The following SH2D4A variants were observed in gnomAD, a reference collection of about 807,000 sequenced individuals.
SH2D4A encodes SH2 domain containing 4A.
Under a neutral mutation model 64.7 loss-of-function variants are expected in SH2D4A, and 70 were observed. The ratio of observed to expected loss-of-function variants is 1.08; its 90% CI spans 0.89 to 1.32. SH2D4A has a LOEUF of 1.32. SH2D4A is among the 40% of genes most tolerant of loss of function. SH2D4A has a pLI of 0.00. For synonymous variants in SH2D4A, 268 were observed against 200.7 expected, an observed-to-expected ratio of 1.34 and a Z score of -2.83; for missense variants, 706 against 540.1, an observed-to-expected ratio of 1.31 and a Z score of -3.04.
chr8:19,365,058 A>G (rs1028233138), intron 7 of SH2D4A, among the ~76,000 whole-genome samples: 2 of 152,236 alleles, frequency 1.3e-5, no homozygotes, highest in African/African-American at 4.8e-5. Context: ...TGAAAGAAAC[A>G]GAATTGTCTA....
chr8:19,364,353 G>A, intron 7 of SH2D4A, 71 bp downstream of exon 7: 1 of 1,550,460 alleles, frequency 6.4e-7, no homozygotes. Flanking sequence ...GAAATTAAAG[G>A]GGAATTGTAT....
chr8:19,361,155 TTTTTG>T (rs140756695), intron 5 of SH2D4A, 43 bp from the exon 6 acceptor site: 11 of 1,152,134 alleles, frequency 9.5e-6, no homozygotes, highest in African/African-American at 3.2e-5. Context: ...CAAGGTTCTT[TTTTTG>T]TTTTGTTTTG....
intron 8 of SH2D4A, among the ~76,000 whole-genome samples, chr8:19,381,544 T>G (rs984391747): frequency 2.0e-5 from 3 of 152,340 alleles, no homozygotes; most frequent in African/African-American, 7.2e-5. Context: ...TTTATTAGTT[T>G]TAACAGTTTT....
chr8:19,350,648 C>T (rs1315990688), intron 4 of SH2D4A, among the ~76,000 whole-genome samples: 1 of 151,956 alleles, frequency 6.6e-6, no homozygotes, highest in Non-Finnish European at 1.5e-5. Flanking sequence ...CACGCCCAGC[C>T]CACTTTTGTA....
chr8:19,357,054 C>T (rs1019623962), intron 4 of SH2D4A, 149 bp from the exon 5 acceptor site: 5 of 637,794 alleles, frequency 7.8e-6, no homozygotes, highest in African/African-American at 7.3e-5. Context: ...AGGATCGGCC[C>T]AGGAACTCAG....
chr8:19,350,203 T>C (rs1329823012), intron 4 of SH2D4A, among the ~76,000 whole-genome samples: 2 of 152,206 alleles, frequency 1.3e-5, no homozygotes, highest in Admixed American at 1.3e-4. Context: ...ATGGATCCTA[T>C]TTCAGGCGTC....
At chr8:19,388,294 T>C (rs2053424585) in intron 8 of SH2D4A, among the ~76,000 whole-genome samples, 1 of 152,192 alleles carries the variant, frequency 6.6e-6, no homozygotes, top group Admixed American at 6.5e-5. Context: ...ATCTATAAAA[T>C]ACAGATGACG....
At chr8:19,389,767 A>G in intron 8 of SH2D4A, among the ~76,000 whole-genome samples, 2 of 152,174 alleles carry the variant, frequency 1.3e-5, no homozygotes, top group Non-Finnish European at 2.9e-5. Context: ...TTGGCCAGGC[A>G]TGGTGGCACG....
intron 4 of SH2D4A, among the ~76,000 whole-genome samples, chr8:19,342,475 G>C (rs929727385): frequency 6.6e-6 from 1 of 152,236 alleles, no homozygotes; most frequent in East Asian, 1.9e-4. Context: ...GAAACGGGCA[G>C]ATTTGCCTTA....
At chr8:19,363,609 C>T (rs1244143169) in intron 6 of SH2D4A, among the ~76,000 whole-genome samples, 1 of 152,116 alleles carries the variant, frequency 6.6e-6, no homozygotes, top group Non-Finnish European at 1.5e-5. Flanking sequence ...GCTCCTTCAC[C>T]CTATGCACAG....
At chr8:19,355,484 C>A (rs2052777815) in intron 4 of SH2D4A, among the ~76,000 whole-genome samples, 1 of 152,086 alleles carries the variant, frequency 6.6e-6, no homozygotes, top group South Asian at 2.1e-4. Flanking sequence ...TGGTAAATAG[C>A]AATTGTGAAA....
At chr8:19,352,538 G>A (rs911135422) in intron 4 of SH2D4A, among the ~76,000 whole-genome samples, 4 of 152,216 alleles carry the variant, frequency 2.6e-5, no homozygotes, top group African/African-American at 9.6e-5. Context: ...CTTTAACTCT[G>A]CTCATAGAGC....
At chr8:19,355,040 A>C (rs1261434731) in intron 4 of SH2D4A, among the ~76,000 whole-genome samples, 1 of 152,208 alleles carries the variant, frequency 6.6e-6, no homozygotes, top group African/African-American at 2.4e-5. Flanking sequence ...TTATAATATT[A>C]AAATGAGAAA....
At position 19,393,420 on chromosome 8, in the gene SH2D4A, C is replaced by G. The variant is rs749946050; in HGVS notation, c.1151C>G (p.Ser384Cys). 6.2e-7 allele frequency: 1 copy of G among 1,614,232 alleles called. No individual in the cohort carries two copies. Among genetic ancestry groups the G allele is most frequent in the South Asian group, 1.1e-5 (1 of 91,084 alleles). ...VSERIKGYAL[S>C]YLSEDGCKHF... ...GAAAGGATCAAAGGCTATGCCCTGT[C>G]CTATCTGTCGGAGGACGGCTGTAAA... Residue 384 changes from serine to cysteine, a missense_variant, in exon 9 of 10, where the codon TCC (serine) becomes TGC (cysteine). Transcript: ENST00000265807.
intron 7 of SH2D4A, among the ~76,000 whole-genome samples, chr8:19,366,155 A>G (rs752993352): frequency 6.6e-6 from 1 of 152,152 alleles, no homozygotes; most frequent in Non-Finnish European, 1.5e-5. Flanking sequence ...TGTTTCATAA[A>G]TTGTATTTTG....
At chr8:19,368,124 C>G (rs547413827) in intron 7 of SH2D4A, among the ~76,000 whole-genome samples, 1 of 152,060 alleles carries the variant, frequency 6.6e-6, no homozygotes, top group Non-Finnish European at 1.5e-5. Flanking sequence ...TATCCTTTCT[C>G]CAGTAGGTGT....
In SH2D4A at chr8:19,364,276, C is replaced by G; in HGVS notation, c.911C>G (p.Pro304Arg). Residue 304 changes from proline to arginine, a missense_variant, in exon 7 of 10, where the codon CCT (proline) becomes CGT (arginine). Pro to Arg is a moderately radical substitution (Grantham distance 103, BLOSUM62 -2). Coordinates refer to ENST00000265807, the MANE Select transcript of SH2D4A (RefSeq NM_022071.4). ...AACTCAGGGGCATATCCTCAAAAAC[C>G]TCTTAGGTAAGAAGCCACACAGATG... ...FLNSGAYPQK[P>R]LRNQGVVRTL... 6.2e-7 allele frequency: 1 copy of G among 1,614,092 alleles called. No homozygotes were observed. Among genetic ancestry groups the G allele is most frequent in the Non-Finnish European group, 8.5e-7 (1 of 1,179,970 alleles).
At chr8:19,393,265 G>C (rs1208466506) in intron 8 of SH2D4A, 53 bp from the exon 9 acceptor site, 8 of 1,538,040 alleles carry the variant, frequency 5.2e-6, no homozygotes, top group Non-Finnish European at 3.6e-6. Flanking sequence ...TAACAGAGGG[G>C]ATTTTCTGGA....
chr8:19,316,135 C>T (rs1454572813), intron 1 of SH2D4A, among the ~76,000 whole-genome samples: 1 of 152,140 alleles, frequency 6.6e-6, no homozygotes, highest in Non-Finnish European at 1.5e-5. Flanking sequence ...AGGTGATTTA[C>T]ACCAGTACCA....
Sources: gnomAD v4.1 joint callset for allele counts (sites outside exome capture counted in the v4.1 genomes callset) on GRCh38, gnomAD v4.1.1 for gene constraint, MANE v1.5 for transcripts, NCBI Gene and HGNC (gene_info 2026-07-23, HGNC 2026-07-21) for gene names.